WWOX: variants seen among roughly 807,000 people sequenced by gnomAD.
The protein encoded by WWOX is WW domain containing oxidoreductase, also known as WW domain-containing oxidoreductase.
In WWOX, 69 loss-of-function variants were observed where a neutral mutation model predicts 46.2. The ratio of observed to expected loss-of-function variants is 1.49; its 90% CI spans 1.23 to 1.82. The LOEUF (loss-of-function observed/expected upper bound fraction) is 1.82. Among genes scored for constraint, WWOX ranks in the 40% most tolerant of loss-of-function variants. WWOX has a pLI of 0.00. For missense variants in WWOX, 919 were observed against 542.6 expected (o/e 1.69, Z -6.89); for synonymous variants, 359 against 202.6 (o/e 1.77, Z -6.56).
At chr16:78,681,191 T>C (rs2047720522) in intron 8 of WWOX, among the ~76,000 whole-genome samples, 1 of 152,006 alleles carries the variant, frequency 6.6e-6, no homozygotes, top group Non-Finnish European at 1.5e-5. Context: ...GGAGATTGCA[T>C]TGAGCCGAGA....
intron 8 of WWOX, among the ~76,000 whole-genome samples, chr16:78,736,058 A>T (rs2049084570): frequency 6.6e-6 from 1 of 152,172 alleles, no homozygotes; most frequent in African/African-American, 2.4e-5. Flanking sequence ...GAAGACAGGG[A>T]TTCGGCTTCG....
chr16:78,812,413 A>T (rs555323938), intron 8 of WWOX, among the ~76,000 whole-genome samples: 1 of 152,164 alleles, frequency 6.6e-6, no homozygotes, highest in East Asian at 1.9e-4. Flanking sequence ...TATTTGTTAA[A>T]AAAAACCCAA....
chr16:79,111,246 CTG>C (rs1185106125), intron 8 of WWOX, among the ~76,000 whole-genome samples: 30 of 152,192 alleles, frequency 2.0e-4, no homozygotes, highest in Non-Finnish European at 2.9e-5. Context: ...AGTTCAGGCA[CTG>C]AGACCCGGGA....
At chr16:78,386,039 C>G (rs936572871) in intron 5 of WWOX, among the ~76,000 whole-genome samples, 3 of 152,200 alleles carry the variant, frequency 2.0e-5, no homozygotes, top group African/African-American at 7.2e-5. Context: ...ATCCCGACCT[C>G]TCCAGTTCTC....
At chr16:78,388,643 C>G (rs1292469479) in intron 6 of WWOX, among the ~76,000 whole-genome samples, 1 of 35,072 alleles carries the variant, frequency 2.9e-5, no homozygotes, top group Non-Finnish European at 4.5e-5. Flanking sequence ...GAGACTCCGT[C>G]TCAAAAAAAA....
chr16:78,713,751 C>T (rs776783403), intron 8 of WWOX, among the ~76,000 whole-genome samples: 1 of 152,120 alleles, frequency 6.6e-6, no homozygotes, highest in Non-Finnish European at 1.5e-5. Flanking sequence ...GCCTTCAGAA[C>T]TGTGAGAAAA....
intron 8 of WWOX, among the ~76,000 whole-genome samples, chr16:78,665,613 C>T (rs1330220522): frequency 6.6e-6 from 1 of 152,068 alleles, no homozygotes; most frequent in Non-Finnish European, 1.5e-5. Context: ...ATTGCCCTGT[C>T]AGGGTGGGTC....
chr16:78,963,960 T>A (rs1597212661), intron 8 of WWOX, among the ~76,000 whole-genome samples: 1 of 152,312 alleles, frequency 6.6e-6, no homozygotes, highest in Non-Finnish European at 1.5e-5. Context: ...ATCAGGGGTT[T>A]CTGCAGTTTT....
chr16:78,310,240 A>G (rs1252954173), intron 5 of WWOX, among the ~76,000 whole-genome samples: 1 of 152,062 alleles, frequency 6.6e-6, no homozygotes, highest in Non-Finnish European at 1.5e-5. Flanking sequence ...TACACACACA[A>G]CCCACTGAAA....
chr16:78,577,469 C>T (rs376202438), intron 8 of WWOX, among the ~76,000 whole-genome samples: 21 of 152,272 alleles, frequency 1.4e-4, no homozygotes, highest in African/African-American at 4.6e-4. Context: ...TTTCATGCAA[C>T]CTTGAATTCA....
intron 5 of WWOX, among the ~76,000 whole-genome samples, chr16:78,252,397 C>T (rs1188518575): frequency 2.6e-5 from 4 of 152,156 alleles, no homozygotes; most frequent in Admixed American, 2.6e-4. Context: ...TGGTAAACAT[C>T]TTGATTTATA....
intron 8 of WWOX, among the ~76,000 whole-genome samples, chr16:78,463,954 G>A (rs986244929): frequency 6.6e-6 from 1 of 152,184 alleles, no homozygotes; most frequent in African/African-American, 2.4e-5. Flanking sequence ...TTTCCATTAA[G>A]TGAGTCTTTC....
intron 8 of WWOX, among the ~76,000 whole-genome samples, chr16:78,679,497 G>A (rs1243072490): frequency 6.6e-6 from 1 of 152,162 alleles, no homozygotes; most frequent in East Asian, 1.9e-4. Context: ...GTTGCAGTGA[G>A]CCAAAATTGC....
intron 8 of WWOX, among the ~76,000 whole-genome samples, chr16:78,630,921 A>G (rs1034420480): frequency 6.6e-6 from 1 of 152,210 alleles, no homozygotes; most frequent in Non-Finnish European, 1.5e-5. Flanking sequence ...AACTAATGAC[A>G]GATTAAAAGC....
Position 78,532,282 on chromosome 16 carries a change from G to C in WWOX, c.1056+99530G>C, listed in dbSNP as rs565346918. ...ATTTTTGAAGGAGTTGGGTGGTGGTGGGGGGATGCCATTTTGGCAACAGAT... is the reference window on the plus strand; with the variant it reads ...ATTTTTGAAGGAGTTGGGTGGTGGTCGGGGGATGCCATTTTGGCAACAGAT... On this transcript the variant is annotated intron_variant, in intron 8 of 8. Transcript: ENST00000566780. 8.1e-4 allele frequency among the ~76,000 whole-genome samples: 123 copies of C among 152,232 alleles called. 1 individual carries two copies. The highest frequency in any genetic ancestry group is 1.4e-3 in the Non-Finnish European group (95 of 68,022).
chr16:78,833,446 C>A (rs1482079374), intron 8 of WWOX, among the ~76,000 whole-genome samples: 1 of 137,478 alleles, frequency 7.3e-6, no homozygotes, highest in East Asian at 2.0e-4. Context: ...TCCTCCTCCT[C>A]CTCCTGCTTT....
At chr16:79,164,999 C>T (rs1333023630) in intron 8 of WWOX, among the ~76,000 whole-genome samples, 1 of 152,072 alleles carries the variant, frequency 6.6e-6, no homozygotes, top group African/African-American at 2.4e-5. Context: ...GTAAAATGTT[C>T]CACACCCTTA....
intron 5 of WWOX, among the ~76,000 whole-genome samples, chr16:78,188,324 C>G (rs957477016): frequency 1.3e-5 from 2 of 151,878 alleles, no homozygotes; most frequent in Admixed American, 6.6e-5. Context: ...CCCGTCTTTA[C>G]TAAAAATACA....
chr16:78,103,277 C>CTTTTTTTTT (rs2031923596), intron 1 of WWOX, among the ~76,000 whole-genome samples: 1 of 143,552 alleles, frequency 7.0e-6, no homozygotes, highest in African/African-American at 2.7e-5. Context: ...TTTAATTTAA[C>CTTTTTTTTT]TTTAAATTCC....
Sources: gnomAD v4.1 joint callset for allele counts (sites outside exome capture counted in the v4.1 genomes callset) on GRCh38, gnomAD v4.1.1 for gene constraint, MANE v1.5 for transcripts, NCBI Gene and HGNC (gene_info 2026-07-23, HGNC 2026-07-21) for gene names.